E2F8: variants seen among roughly 807,000 people sequenced by gnomAD.
E2F8 encodes the protein E2F transcription factor 8.
A neutral mutation model predicts 80.8 loss-of-function variants in E2F8; 35 were observed. The ratio of observed to expected loss-of-function variants is 0.43; its 90% confidence interval spans 0.33 to 0.57. The LOEUF (loss-of-function observed/expected upper bound fraction) is 0.57, where lower values mean the gene tolerates loss of function less well. E2F8 is among the 20% of genes least tolerant of loss of function. The pLI is 0.04. For synonymous variants in E2F8, 386 were observed against 395.0 expected (o/e 0.98, Z 0.27); for missense variants, 975 against 1,056.2 (o/e 0.92, Z 1.07).
chr11:19,228,628 C>T (rs989110994), intron 10 of E2F8, among the ~76,000 whole-genome samples: 9 of 152,012 alleles, frequency 5.9e-5, no homozygotes, highest in Non-Finnish European at 7.4e-5. Flanking sequence ...TTTACCGATG[C>T]GGAAAAATAA....
chr11:19,234,043 G>A (rs1183525595), intron 6 of E2F8, among the ~76,000 whole-genome samples: 1 of 150,882 alleles, frequency 6.6e-6, no homozygotes, highest in Non-Finnish European at 1.5e-5. Flanking sequence ...AGCTACTCCG[G>A]AGACTGAGGC....
At chr11:19,226,877 T>C (rs2133555522) in intron 10 of E2F8, among the ~76,000 whole-genome samples, 1 of 152,284 alleles carries the variant, frequency 6.6e-6, no homozygotes, top group Admixed American at 6.5e-5. Context: ...GAGAACTGAT[T>C]AATTCATATT....
Position 19,225,349 on chromosome 11 carries a change from T to C in E2F8, c.2293A>G (p.Ile765Val), listed in dbSNP as rs1213238946. 2 of 1,614,046 alleles carry C rather than the reference T, an allele frequency of 1.2e-6. No homozygotes were observed. Among genetic ancestry groups the C allele is most frequent in the South Asian group, 2.2e-5 (2 of 91,084 alleles). ...GSGIVPVSPR[I>V]ESVNVAPENA... Reference sequence around the variant, plus strand: ...TCTGGTGCGACATTAACAGACTCTATTCTTGGAGACACAGGAACGATTCCA... The same window carrying C: ...TCTGGTGCGACATTAACAGACTCTACTCTTGGAGACACAGGAACGATTCCA... The change falls in exon 12 of 13, where the codon ATA (isoleucine) becomes GTA (valine). Residue 765 changes from isoleucine to valine, a missense_variant. Ile to Val is a conservative substitution (Grantham distance 29, BLOSUM62 3). Coordinates refer to ENST00000250024, the MANE Select transcript of E2F8 (RefSeq NM_024680.4).
chr11:19,227,916 C>T (rs910557097), intron 10 of E2F8, among the ~76,000 whole-genome samples: 1 of 152,060 alleles, frequency 6.6e-6, no homozygotes, highest in South Asian at 2.1e-4. Flanking sequence ...GGTGAAACCC[C>T]GTCTCCACAA....
At chr11:19,234,045 G>C (rs1251008345) in intron 6 of E2F8, among the ~76,000 whole-genome samples, 1 of 150,450 alleles carries the variant, frequency 6.6e-6, no homozygotes. Flanking sequence ...CTACTCCGGA[G>C]ACTGAGGCAG....
At chr11:19,226,090 C>T in intron 10 of E2F8, 1 of 535,638 alleles carries the variant, frequency 1.9e-6, no homozygotes, top group South Asian at 2.6e-5. Flanking sequence ...TAAATGCCAC[C>T]TGTGGTCTTA....
rs1383177747 is a variant in E2F8, at chr11:19,240,632, T to C, written c.-194A>G. Reference sequence around the variant, plus strand: ...GCGACCCCAAGTAACTGGGTACAAGTCTGCATCTAGATGCCTGGATTTCTC... The same window carrying C: ...GCGACCCCAAGTAACTGGGTACAAGCCTGCATCTAGATGCCTGGATTTCTC... On this transcript the variant is annotated 5_prime_UTR_variant, in exon 1 of 13. Coordinates refer to ENST00000250024, the MANE Select transcript of E2F8 (RefSeq NM_024680.4). The C allele has an allele frequency of 6.6e-6, 1 of 152,252 alleles. No homozygotes were observed. Among genetic ancestry groups the C allele is most frequent in the African/African-American group, 2.4e-5 (1 of 41,422 alleles). The allele number at this position is 152,252 out of a possible 1,614,324, so 9.4% of individuals were successfully genotyped here.
intron 10 of E2F8, among the ~76,000 whole-genome samples, chr11:19,227,515 C>A (rs1463492032): frequency 6.6e-6 from 1 of 152,144 alleles, no homozygotes; most frequent in Non-Finnish European, 1.5e-5. Context: ...TTAACCTATG[C>A]CAATTCCCTT....
rs201855427 is a variant in E2F8, at chr11:19,234,818, A to G, written c.692T>C (p.Ile231Thr). ...TCCATTTGGGCCAGTGTTTGATTTG[A>G]TGATATGATCCTCTATACTGTAACT... The part of the protein sequence containing the change: ...IKSYSIEDHI[I>T]KSNTGPNGHP... Residue 231 changes from isoleucine to threonine, a missense_variant, in exon 5 of 13, where the codon ATC (isoleucine) becomes ACC (threonine). Transcript: ENST00000250024. 337 of 1,614,214 alleles carry G rather than the reference A, an allele frequency of 2.1e-4. 1 individual carries two copies. In the East Asian group the frequency reaches 7.1e-3, roughly 34 times the overall value.
At chr11:19,224,933 T>G (rs1200623133) in intron 12 of E2F8, 93 bp from the exon 13 acceptor site, 2 of 1,428,660 alleles carry the variant, frequency 1.4e-6, no homozygotes, top group Non-Finnish European at 1.9e-6. Context: ...ATGAATGTAT[T>G]GCACATTGGG....
intron 4 of E2F8, among the ~76,000 whole-genome samples, chr11:19,235,434 G>A (rs1390032957): frequency 2.0e-5 from 3 of 152,192 alleles, no homozygotes; most frequent in African/African-American, 7.2e-5. Flanking sequence ...GGATCACGAG[G>A]TCAGGAGATG....
chr11:19,237,336 A>C lies in E2F8; in HGVS notation c.429T>G (p.Leu143=), dbSNP rs1401652359. ...PNPAVNNDIC[L]DEVAEELNVE... ...TACTAAGTTCCTCTGCCACTTCGTCAAGGCAGATGTCATTATTCACAGCAG... is the reference window on the plus strand; with the variant it reads ...TACTAAGTTCCTCTGCCACTTCGTCCAGGCAGATGTCATTATTCACAGCAG... The change falls in exon 4 of 13, where the codon CTT becomes CTG. Residue 143 remains leucine, a synonymous_variant. Transcript: ENST00000250024. 2 of 1,613,992 alleles carry C rather than the reference A, an allele frequency of 1.2e-6. No homozygotes were observed. The highest frequency in any genetic ancestry group is 1.7e-6 in the Non-Finnish European group (2 of 1,180,014).
chr11:19,241,504 TCA>T (rs1851666405), upstream of E2F8: 1 of 152,440 alleles, frequency 6.6e-6, no homozygotes, highest in East Asian at 1.9e-4. The surrounding 1 kb of genome is among the most constrained non-coding windows in gnomAD (Gnocchi z 4.5). Flanking sequence ...TACCTGGCAG[TCA>T]GTCTTTCCGC....
In E2F8 at chr11:19,224,469, ATGTGTGTGTGTG is replaced by A. The variant is rs10558787; in HGVS notation, c.*177_*188del. On this transcript the variant is annotated 3_prime_UTR_variant, in exon 13 of 13. Transcript: ENST00000250024. Reference sequence around the variant, plus strand: ...GCTAAACTTAGCTTTATACAAATATATGTGTGTGTGTGTGTGTGTGTGTGTGTGTATATATAT... The same window carrying A: ...GCTAAACTTAGCTTTATACAAATATATGTGTGTGTGTGTGTGTATATATAT... The A allele has an allele frequency of 3.0e-5, 11 of 360,716 alleles. No homozygotes were observed. The highest frequency in any genetic ancestry group is 1.8e-4 in the Admixed American group (4 of 22,536). 22.3% of individuals were successfully genotyped at this position (360,716 alleles called of 1,614,324 possible). A position where few individuals can be genotyped will look rare whatever the true frequency, so the allele number is the denominator to read the frequency against.
chr11:19,233,470 A>C (rs1456508389), intron 6 of E2F8, among the ~76,000 whole-genome samples: 1 of 152,056 alleles, frequency 6.6e-6, no homozygotes, highest in East Asian at 1.9e-4. Flanking sequence ...TTTAGAGCTC[A>C]CACAGAACAG....
In E2F8 at chr11:19,229,141, T is replaced by C. The variant is rs921610774; in HGVS notation, c.1893+313A>G. Among the ~76,000 whole-genome samples the C allele has an allele frequency of 1.3e-5, 2 of 152,188 alleles. No individual in the cohort carries two copies. The highest frequency in any genetic ancestry group is 4.8e-5 in the African/African-American group (2 of 41,454). ...CACGTTCATTTGGGGTTACGTCTGC[T>C]TGTAAATTATTTAAGACTTTCATGA... On this transcript the variant is annotated intron_variant, in intron 10 of 12. Transcript: ENST00000250024. This position sits in a 1 kb window ranked among gnomAD's most constrained non-coding sequence, Gnocchi z 4.3.
chr11:19,224,884 C>T (rs1191727423), intron 12 of E2F8, 44 bp from the exon 13 acceptor site: 3 of 1,605,746 alleles, frequency 1.9e-6, no homozygotes, highest in African/African-American at 1.3e-5. Context: ...CAACCACACA[C>T]AGGTACATAG....
intron 4 of E2F8, 69 bp from the exon 5 acceptor site, chr11:19,235,127 C>T: frequency 2.9e-6 from 4 of 1,397,894 alleles, no homozygotes; most frequent in Non-Finnish European, 3.9e-6. Flanking sequence ...GCTTTTTCTT[C>T]CATTGGTTTA....
Position 19,230,851 on chromosome 11 carries a change from C to T in E2F8, c.1067-17G>A, listed in dbSNP as rs372440321. ...GGCTGGAGCCTGAAACAGAAAACGT[C>T]TGTGTATTAAAACCTGGATGGCTCA... On this transcript the variant is annotated splice_polypyrimidine_tract_variant and intron_variant, in intron 7 of 12. Coordinates refer to ENST00000250024, the MANE Select transcript of E2F8 (RefSeq NM_024680.4). The T allele has an allele frequency of 1.7e-5, 27 of 1,612,956 alleles. 1 individual carries two copies. The highest frequency in any genetic ancestry group is 1.9e-5 in the Non-Finnish European group (22 of 1,179,418).
Sources: gnomAD v4.1 joint callset for allele counts (sites outside exome capture counted in the v4.1 genomes callset) on GRCh38, gnomAD v4.1.1 for gene constraint, Gnocchi (gnomAD v3.1) non-coding constraint, MANE v1.5 for transcripts, NCBI Gene and HGNC (gene_info 2026-07-23, HGNC 2026-07-21) for gene names.